C4orf50: variants seen among roughly 807,000 people sequenced by gnomAD.
The protein encoded by C4orf50 is chromosome 4 open reading frame 50, also known as uncharacterized protein C4orf50.
Under a neutral mutation model 77.2 loss-of-function variants are expected in C4orf50, and 80 were observed. The observed-to-expected ratio is 1.04, with a 90% CI of 0.87 to 1.25. C4orf50 has a LOEUF of 1.25. C4orf50 is among the 50% of genes most tolerant of loss of function. The probability of loss-of-function intolerance (pLI) is 0.00; values close to 1 mark genes in which losing one functional copy is unlikely to be tolerated. For missense variants in C4orf50, 1,257 were observed against 1,152.9 expected (o/e 1.09, Z -1.31); for synonymous variants, 532 against 465.3 (o/e 1.14, Z -1.84).
rs978957906 is a variant in C4orf50, at chr4:6,008,784, T to A, written c.427-252A>T. 6.6e-6 allele frequency among the ~76,000 whole-genome samples: 1 copy of A among 152,080 alleles called. No individual in the cohort carries two copies. The highest frequency in any genetic ancestry group is 1.5e-5 in the Non-Finnish European group (1 of 68,012). On this transcript the variant is annotated intron_variant, in intron 24 of 33. Transcript: ENST00000531445. The surrounding 1 kb of genome is among the most constrained non-coding windows in gnomAD (Gnocchi z 6.0). ...CCTGCACCTTCAACAGCTCCCTGAGTCCTGGAAGGGAGCTGTGCAGGTGGC... is the reference window on the plus strand; with the variant it reads ...CCTGCACCTTCAACAGCTCCCTGAGACCTGGAAGGGAGCTGTGCAGGTGGC...
exon 29 of C4orf50, chr4:5,980,215 G>C: frequency 6.2e-7 from 1 of 1,608,662 alleles, no homozygotes; most frequent in Non-Finnish European, 8.5e-7. Flanking sequence ...GCCTCGTCCA[G>C]AGACGCCTGG....
intron 7 of C4orf50, among the ~76,000 whole-genome samples, chr4:5,915,613 C>T (rs150726237): frequency 6.6e-6 from 1 of 152,320 alleles, no homozygotes; most frequent in African/African-American, 2.4e-5. Context: ...GGAAGAAAGG[C>T]TAGCAAACTG....
chr4:5,910,151 A>G (rs1019430477), intron 7 of C4orf50, among the ~76,000 whole-genome samples: 4 of 152,218 alleles, frequency 2.6e-5, no homozygotes, highest in Admixed American at 2.6e-4. Flanking sequence ...GATCTGTCAG[A>G]CTTCAGGATC....
At chr4:5,911,926 G>A (rs1716823757) in intron 7 of C4orf50, among the ~76,000 whole-genome samples, 1 of 152,126 alleles carries the variant, frequency 6.6e-6, no homozygotes, top group Non-Finnish European at 1.5e-5. Context: ...CATGCCTGTA[G>A]TTCCAGCTAC....
At chr4:5,965,879 A>T (rs67073028) in intron 32 of C4orf50, among the ~76,000 whole-genome samples, 45,485 of 152,186 alleles carry the variant, frequency 0.3, 7,099 homozygotes, top group African/African-American at 0.36. Context: ...CTAAGACCAC[A>T]CAGCTGGCAA....
rs937194079 is a variant in C4orf50, at chr4:5,908,240, C to A, written c.*2475-10052G>T. Among the ~76,000 whole-genome samples, 7 of 152,016 alleles carry A rather than the reference C, an allele frequency of 4.6e-5. No homozygotes were observed. Among genetic ancestry groups the A allele is most frequent in the Non-Finnish European group, 1.0e-4 (7 of 68,036 alleles). On this transcript the variant is annotated intron_variant, in intron 7 of 7. Transcript: ENST00000324058. The surrounding 1 kb of genome is among the most constrained non-coding windows in gnomAD (Gnocchi z 5.6). ...CAAGCAAGCAAGTATAATGCCAGAACAGAAGGAAATGCTGGGTTACAAAGT... is the reference window on the plus strand; with the variant it reads ...CAAGCAAGCAAGTATAATGCCAGAAAAGAAGGAAATGCTGGGTTACAAAGT...
At chr4:5,989,034 T>C (rs1721084679) in exon 28 of C4orf50, 2 of 1,536,098 alleles carry the variant, frequency 1.3e-6, no homozygotes, top group Admixed American at 2.0e-5. Context: ...CATTGCAGTC[T>C]TCAAGGTCAG....
At chr4:6,005,206 C>A (rs1002275922) in intron 25 of C4orf50, among the ~76,000 whole-genome samples, 3 of 152,200 alleles carry the variant, frequency 2.0e-5, no homozygotes, top group Non-Finnish European at 4.4e-5. Flanking sequence ...TGGGCTACAA[C>A]CCTGCTTTCT....
chr4:5,927,312 C>G (rs1013466507), intron 7 of C4orf50, among the ~76,000 whole-genome samples: 7 of 152,036 alleles, frequency 4.6e-5, no homozygotes, highest in African/African-American at 1.7e-4. Context: ...ACTGACCGCT[C>G]CCCACTCCAA....
At chr4:5,910,453 G>A (rs1716755082) in intron 7 of C4orf50, among the ~76,000 whole-genome samples, 1 of 152,178 alleles carries the variant, frequency 6.6e-6, no homozygotes, top group Non-Finnish European at 1.5e-5. Context: ...AGTAATGTTT[G>A]TGTTTATGAT....
At chr4:6,014,103 A>G (rs1401568481) in intron 23 of C4orf50, among the ~76,000 whole-genome samples, 1 of 151,882 alleles carries the variant, frequency 6.6e-6, no homozygotes, top group East Asian at 1.9e-4. Flanking sequence ...CTGGGGTTCA[A>G]GCGATTCTCC....
chr4:5,969,009 T>G (rs1719746642), intron 31 of C4orf50, among the ~76,000 whole-genome samples: 1 of 152,134 alleles, frequency 6.6e-6, no homozygotes, highest in Admixed American at 6.5e-5. Flanking sequence ...ACTCACTGAT[T>G]CCATGATCCT....
intron 7 of C4orf50, among the ~76,000 whole-genome samples, chr4:5,933,970 G>A (rs1317119248): frequency 6.6e-6 from 1 of 152,134 alleles, no homozygotes; most frequent in African/African-American, 2.4e-5. Context: ...GAGGAGAGCA[G>A]AAGCAGGAAG....
chr4:5,899,046 G>C (rs1716242145), intron 7 of C4orf50: 1 of 152,208 alleles, frequency 6.6e-6, no homozygotes, highest in Non-Finnish European at 1.5e-5. Flanking sequence ...CTGAGTTCTT[G>C]AAAGCAGTTT....
At chr4:5,920,911 A>G (rs1349126057) in intron 7 of C4orf50, among the ~76,000 whole-genome samples, 1 of 152,240 alleles carries the variant, frequency 6.6e-6, no homozygotes, top group East Asian at 1.9e-4. Context: ...CTCACTGGTC[A>G]GGGCAGAATG....
At chr4:5,911,205 G>A (rs575912179) in intron 7 of C4orf50, among the ~76,000 whole-genome samples, 23 of 152,134 alleles carry the variant, frequency 1.5e-4, no homozygotes, top group East Asian at 3.9e-4. Context: ...CACCATGCCC[G>A]GCCTCTTCCC....
intron 33 of C4orf50, among the ~76,000 whole-genome samples, chr4:5,963,369 G>T (rs1280830552): frequency 1.3e-5 from 2 of 152,028 alleles, no homozygotes; most frequent in East Asian, 3.9e-4. Flanking sequence ...TCCTAGGAAT[G>T]ATCAAAGCTT....
intron 7 of C4orf50, among the ~76,000 whole-genome samples, chr4:5,936,511 G>A (rs1038952918): frequency 2.2e-4 from 29 of 130,554 alleles, no homozygotes; most frequent in Admixed American, 5.8e-4. Context: ...GCAGTGAGCC[G>A]AGATCGCACC....
At chr4:5,946,170 C>A (rs1426169012) in intron 7 of C4orf50, among the ~76,000 whole-genome samples, 1 of 152,178 alleles carries the variant, frequency 6.6e-6, no homozygotes. Flanking sequence ...CTGTTCACCC[C>A]TTGTCCTGCC....
Sources: allele counts gnomAD v4.1 joint callset (sites outside exome capture counted in the v4.1 genomes callset), GRCh38; gene constraint gnomAD v4.1.1; non-coding constraint Gnocchi (gnomAD v3.1); transcripts MANE v1.5; gene names NCBI Gene and HGNC (gene_info 2026-07-23, HGNC 2026-07-21).